The following CHN2 variants were observed in gnomAD, a reference collection of about 807,000 sequenced individuals.
The protein encoded by CHN2 is chimerin 2, also known as beta-chimaerin.
A neutral mutation model predicts 56.3 loss-of-function variants in CHN2; 35 were observed. The ratio of observed to expected loss-of-function variants is 0.62; its 90% CI spans 0.47 to 0.82. CHN2 has a LOEUF of 0.82. Among genes scored for constraint, CHN2 ranks in the 40% least tolerant of loss-of-function variants. The probability of loss-of-function intolerance (pLI) is 0.00; values close to 1 mark genes in which losing one functional copy is unlikely to be tolerated. For synonymous variants in CHN2, 210 were observed against 212.8 expected (o/e 0.99, Z 0.12); for missense variants, 491 against 580.5 (o/e 0.85, Z 1.58).
intron 6 of CHN2, among the ~76,000 whole-genome samples, chr7:29,456,857 G>A (rs968650700): frequency 3.3e-5 from 5 of 151,984 alleles, no homozygotes; most frequent in East Asian, 1.9e-4. Context: ...GGGAGGGCAC[G>A]CTGCAGCCTG....
At chr7:29,174,630 T>G (rs1797037008) in intron 2 of CHN2, among the ~76,000 whole-genome samples, 1 of 152,122 alleles carries the variant, frequency 6.6e-6, no homozygotes, top group Non-Finnish European at 1.5e-5. Context: ...GGAGGCCGAC[T>G]TGGGCGGATC....
At chr7:29,264,332 A>G (rs1024379004) in intron 1 of CHN2, among the ~76,000 whole-genome samples, 1 of 152,206 alleles carries the variant, frequency 6.6e-6, no homozygotes, top group Non-Finnish European at 1.5e-5. Context: ...GCTCATTGAG[A>G]GCGGGCCATG....
At chr7:29,495,532 C>T (rs1789172147) in intron 7 of CHN2, among the ~76,000 whole-genome samples, 1 of 152,170 alleles carries the variant, frequency 6.6e-6, no homozygotes. Flanking sequence ...CTTATTTATA[C>T]CTGCCTGGAT....
intron 1 of CHN2, among the ~76,000 whole-genome samples, chr7:29,345,021 C>A (rs1387931857): frequency 6.6e-6 from 1 of 152,148 alleles, no homozygotes; most frequent in Non-Finnish European, 1.5e-5. Context: ...GCAGTCATGG[C>A]CACTTCAGTT....
intron 1 of CHN2, among the ~76,000 whole-genome samples, chr7:29,283,650 G>A (rs1360282812): frequency 6.6e-6 from 1 of 152,010 alleles, no homozygotes. Context: ...ATGGAGTCTT[G>A]CTCTGTTGCC....
At chr7:29,315,870 A>G (rs1049852079) in intron 1 of CHN2, among the ~76,000 whole-genome samples, 2 of 152,238 alleles carry the variant, frequency 1.3e-5, no homozygotes, top group Non-Finnish European at 2.9e-5. Flanking sequence ...GCTCTAAGAT[A>G]TCATGGTGTA....
At chr7:29,249,153 A>G (rs893861172) in intron 1 of CHN2, among the ~76,000 whole-genome samples, 1 of 152,118 alleles carries the variant, frequency 6.6e-6, no homozygotes, top group Non-Finnish European at 1.5e-5. Flanking sequence ...ATGACAGCCC[A>G]TCTGCAAGCT....
At chr7:29,458,505 C>T (rs1784932021) in intron 6 of CHN2, among the ~76,000 whole-genome samples, 1 of 152,088 alleles carries the variant, frequency 6.6e-6, no homozygotes, top group Admixed American at 6.5e-5. Flanking sequence ...GTTTATGTGT[C>T]TCACCCCTGC....
intron 6 of CHN2, among the ~76,000 whole-genome samples, chr7:29,410,642 G>T (rs578252807): frequency 9.2e-5 from 14 of 151,966 alleles, no homozygotes; most frequent in South Asian, 2.1e-4. Context: ...TGACTTTTTT[G>T]ATTTGTTTTT....
chr7:29,499,803 T>C, intron 8 of CHN2, 64 bp from the exon 9 acceptor site: 2 of 1,422,544 alleles, frequency 1.4e-6, no homozygotes, highest in Non-Finnish European at 1.9e-6. Context: ...TTTGGCAACA[T>C]ATAATTTGTG....
intron 1 of CHN2, among the ~76,000 whole-genome samples, chr7:29,324,500 T>C (rs2128897001): frequency 6.6e-6 from 1 of 152,300 alleles, no homozygotes; most frequent in Non-Finnish European, 1.5e-5. Flanking sequence ...ACTGATAGAA[T>C]TTTTGCAAAG....
At chr7:29,433,220 T>C (rs1782976694) in intron 6 of CHN2, among the ~76,000 whole-genome samples, 2 of 152,210 alleles carry the variant, frequency 1.3e-5, no homozygotes, top group African/African-American at 4.8e-5. Context: ...AGAAATAGAA[T>C]ACAAAGTCAT....
chr7:29,423,688 T>C (rs116858634), intron 6 of CHN2, among the ~76,000 whole-genome samples: 1,820 of 152,384 alleles, frequency 0.012, 18 homozygotes, highest in Admixed American at 0.017. Context: ...TTCTGCCTAA[T>C]GGCAATATCA....
At chr7:29,383,434 T>G (rs932537323) in intron 3 of CHN2, among the ~76,000 whole-genome samples, 7 of 152,138 alleles carry the variant, frequency 4.6e-5, no homozygotes, top group Non-Finnish European at 1.0e-4. Context: ...CTTTGTTTTA[T>G]TCAGGCCCTC....
upstream of CHN2, among the ~76,000 whole-genome samples, chr7:29,190,421 A>T (rs1449315942): frequency 1.3e-5 from 2 of 152,212 alleles, no homozygotes; most frequent in Non-Finnish European, 2.9e-5. Context: ...AACACTCCAG[A>T]ATGCCTGCAG....
chr7:29,152,826 T>C (rs562191030), intron 2 of CHN2, among the ~76,000 whole-genome samples: 90 of 152,296 alleles, frequency 5.9e-4, no homozygotes, highest in Non-Finnish European at 1.6e-4. Flanking sequence ...CAAAATACAC[T>C]CGATCCTTGT....
intron 4 of CHN2, chr7:29,397,711 G>GATGTGGCCCATGATCACT (rs1409288592): frequency 4.6e-5 from 7 of 152,226 alleles, no homozygotes; most frequent in African/African-American, 1.7e-4. Flanking sequence ...ACATCAGAGT[G>GATGTGGCCCATGATCACT]ATCATGGGCC....
At chr7:29,284,789 T>A (rs1792017479) in intron 1 of CHN2, among the ~76,000 whole-genome samples, 2 of 152,206 alleles carry the variant, frequency 1.3e-5, no homozygotes, top group African/African-American at 4.8e-5. Flanking sequence ...GGGTGTCGTT[T>A]TAAGCTGCTA....
At chr7:29,459,559 G>C (rs2086629274) in intron 6 of CHN2, among the ~76,000 whole-genome samples, 1 of 152,182 alleles carries the variant, frequency 6.6e-6, no homozygotes, top group Non-Finnish European at 1.5e-5. Context: ...TACAACATCT[G>C]TTTCATTGTC....
Sources: gnomAD v4.1 joint callset for allele counts (sites outside exome capture counted in the v4.1 genomes callset) on GRCh38, gnomAD v4.1.1 for gene constraint, MANE v1.5 for transcripts, NCBI Gene and HGNC (gene_info 2026-07-23, HGNC 2026-07-21) for gene names.